The following CACNA1G variants were observed in gnomAD, a reference collection of about 807,000 sequenced individuals.
CACNA1G encodes the protein calcium voltage-gated channel subunit alpha1 G.
Under a neutral mutation model 219.4 loss-of-function variants are expected in CACNA1G, and 67 were observed. The observed-to-expected ratio is 0.31, with a 90% CI of 0.25 to 0.37. The LOEUF is 0.37. Among genes scored for constraint, CACNA1G ranks in the 10% least tolerant of loss-of-function variants. CACNA1G has a pLI of 1.00. For synonymous variants in CACNA1G, 1,296 were observed against 1,345.3 expected (o/e 0.96, Z 0.80); for missense variants, 2,380 against 3,231.4 (o/e 0.74, Z 6.39).
At chr17:50,569,917 G>A in intron 4 of CACNA1G, 114 bp downstream of exon 4, 2 of 761,134 alleles carry the variant, frequency 2.6e-6, no homozygotes, top group Non-Finnish European at 4.4e-6. Context: ...GGCCCCGTCA[G>A]AGAAGGGCTC....
chr17:50,617,811 G>A lies in CACNA1G; in HGVS notation c.5156-48G>A. Reference sequence around the variant, plus strand: ...CTGGTCCTGACTCTGCCAGCTGTCTGGCCGGGGACCCAAAGAGGCCAGCTC... The same window carrying A: ...CTGGTCCTGACTCTGCCAGCTGTCTAGCCGGGGACCCAAAGAGGCCAGCTC... On this transcript the variant is annotated intron_variant, in intron 29 of 37. Transcript: ENST00000359106. The surrounding 1 kb of genome is among the most constrained non-coding windows in gnomAD (Gnocchi z 5.8). 1.2e-6 allele frequency: 2 copies of A among 1,600,446 alleles called. No homozygotes were observed. Among genetic ancestry groups the A allele is most frequent in the Non-Finnish European group, 1.7e-6 (2 of 1,171,090 alleles).
rs1324772307 is a variant in CACNA1G at position 50,621,382 on chromosome 17, T to A, written c.5926-278T>A. On this transcript the variant is annotated intron_variant, in intron 34 of 37. Coordinates refer to ENST00000359106, the MANE Select transcript of CACNA1G (RefSeq NM_018896.5). The surrounding 1 kb of genome is among the most constrained non-coding windows in gnomAD (Gnocchi z 4.6). Reference sequence around the variant, plus strand: ...GGAGGCTCCTGGGGTATCTTTAGAATGCGTTTCTGTGTCTCCTCGCTTTGT... The same window carrying A: ...GGAGGCTCCTGGGGTATCTTTAGAAAGCGTTTCTGTGTCTCCTCGCTTTGT... 6.6e-6 allele frequency among the ~76,000 whole-genome samples: 1 copy of A among 152,052 alleles called. No homozygotes were observed. Among genetic ancestry groups the A allele is most frequent in the Non-Finnish European group, 1.5e-5 (1 of 67,996 alleles).
intron 13 of CACNA1G, among the ~76,000 whole-genome samples, chr17:50,592,649 C>A (rs935238183): frequency 2.6e-5 from 4 of 152,216 alleles, no homozygotes; most frequent in African/African-American, 9.6e-5. Context: ...GCAGCGTCAT[C>A]AATTAATATT....
At chr17:50,590,359 C>A in intron 9 of CACNA1G, 112 bp from the exon 10 acceptor site, 1 of 1,226,822 alleles carries the variant, frequency 8.2e-7, no homozygotes, top group Non-Finnish European at 1.2e-6. Flanking sequence ...GCAACCCCTC[C>A]GCACAAGCTT....
intron 33 of CACNA1G, among the ~76,000 whole-genome samples, 181 bp downstream of exon 33, chr17:50,619,189 C>T (rs2051187232): frequency 6.6e-6 from 1 of 152,212 alleles, no homozygotes; most frequent in African/African-American, 2.4e-5. Flanking sequence ...TGCCCACACT[C>T]ACCCCACAGG....
At chr17:50,570,557 C>G (rs926324958) in intron 4 of CACNA1G, among the ~76,000 whole-genome samples, 15 of 132,690 alleles carry the variant, frequency 1.1e-4, no homozygotes, top group Admixed American at 5.3e-4. Context: ...CCCCTGCGCT[C>G]TGTGTGTGTG....
intron 8 of CACNA1G, among the ~76,000 whole-genome samples, chr17:50,577,733 C>T (rs8071493): frequency 6.6e-6 from 1 of 151,102 alleles, no homozygotes; most frequent in Non-Finnish European, 1.5e-5. Flanking sequence ...CACGAGTGTG[C>T]GCATCTGGAG....
chr17:50,598,930 A>T (rs567530051), intron 16 of CACNA1G, among the ~76,000 whole-genome samples: 10 of 152,106 alleles, frequency 6.6e-5, no homozygotes, highest in Non-Finnish European at 1.3e-4. Context: ...GTTTCACCAC[A>T]TTGGCCAGGC....
chr17:50,565,428 C>T (rs1031780940), intron 1 of CACNA1G, among the ~76,000 whole-genome samples: 1 of 151,096 alleles, frequency 6.6e-6, no homozygotes, highest in African/African-American at 2.4e-5. Flanking sequence ...AGCTTTGGAG[C>T]AGGGCGGAGC....
chr17:50,569,497 C>A (rs79595373), intron 3 of CACNA1G, among the ~76,000 whole-genome samples, 199 bp downstream of exon 3: 16 of 152,218 alleles, frequency 1.1e-4, no homozygotes, highest in African/African-American at 3.6e-4. Flanking sequence ...ATTCCTAATT[C>A]TGCCCCCTTC....
intron 7 of CACNA1G, among the ~76,000 whole-genome samples, chr17:50,574,073 G>A (rs557760814): frequency 2.0e-5 from 3 of 152,110 alleles, no homozygotes; most frequent in African/African-American, 4.8e-5. Flanking sequence ...AATCCTCGTC[G>A]TCCCCTGTGA....
intron 33 of CACNA1G, 83 bp downstream of exon 33, chr17:50,619,091 A>C: frequency 8.9e-7 from 1 of 1,119,320 alleles, no homozygotes; most frequent in Non-Finnish European, 1.2e-6. Context: ...CCAAGCGGGC[A>C]GCACACAAAC....
At chr17:50,613,171 C>T (rs994651808) in intron 26 of CACNA1G, among the ~76,000 whole-genome samples, 6 of 152,224 alleles carry the variant, frequency 3.9e-5, no homozygotes, top group South Asian at 2.1e-4. Flanking sequence ...GGTCATGCCT[C>T]GTAGCTAGCT....
intron 26 of CACNA1G, 108 bp from the exon 27 acceptor site, chr17:50,615,253 A>C: frequency 9.3e-7 from 1 of 1,074,266 alleles, no homozygotes; most frequent in Non-Finnish European, 1.2e-6. Context: ...TGATTATGGA[A>C]TGTTTCAGTT....
intron 34 of CACNA1G, 97 bp downstream of exon 34, chr17:50,619,923 C>T (rs1252328243): frequency 1.6e-6 from 2 of 1,253,956 alleles, no homozygotes; most frequent in Non-Finnish European, 2.1e-6. Flanking sequence ...TTCCTGCCCA[C>T]TGGGTATCTG....
intron 5 of CACNA1G, 47 bp from the exon 6 acceptor site, chr17:50,572,507 A>C: frequency 3.5e-6 from 5 of 1,446,672 alleles, no homozygotes; most frequent in Non-Finnish European, 3.7e-6. Context: ...CTCTCCCTGG[A>C]GAGCCCACTC....
In CACNA1G at chr17:50,609,910, C is replaced by T. The variant is rs767434117; in HGVS notation, c.4734C>T (p.Ser1578=). Residue 1578 remains serine (S), a synonymous_variant, in exon 26 of 38, where the codon TCC becomes TCT. Transcript: ENST00000359106. ...TAATGCTGGACGATGTAATTGCTTC[C>T]GGCAGCTCAGCCAGCGCTGCGTCAG... is the stretch of plus-strand genomic sequence containing the variant. ...RNLMLDDVIA[S]GSSASAASEA... is the part of the protein sequence containing the mutation. 8.1e-6 allele frequency: 13 copies of T among 1,611,318 alleles called. No homozygotes were observed. The highest frequency in any genetic ancestry group is 3.3e-5 in the South Asian group (3 of 91,072).
At chr17:50,587,156 G>A (rs920214371) in intron 9 of CACNA1G, among the ~76,000 whole-genome samples, 22 of 152,168 alleles carry the variant, frequency 1.4e-4, no homozygotes, top group African/African-American at 4.3e-4. Context: ...CTGGGTATAT[G>A]GTGGGGGCGA....
At chr17:50,594,691 CCAGGCA>C (rs1277393770) in intron 13 of CACNA1G, among the ~76,000 whole-genome samples, 1 of 152,192 alleles carries the variant, frequency 6.6e-6, no homozygotes, top group Non-Finnish European at 1.5e-5. Flanking sequence ...GTTTCCCATG[CCAGGCA>C]CACCCTTAAT....
Sources: allele counts gnomAD v4.1 joint callset (sites outside exome capture counted in the v4.1 genomes callset), GRCh38; gene constraint gnomAD v4.1.1; non-coding constraint Gnocchi (gnomAD v3.1); transcripts MANE v1.5; gene names NCBI Gene and HGNC (gene_info 2026-07-23, HGNC 2026-07-21).